The following ZNF117 variants were observed in gnomAD, a reference collection of about 807,000 sequenced individuals.
ZNF117 encodes Krueppel-related zinc finger protein.
A neutral mutation model predicts 41.2 loss-of-function variants in ZNF117; 37 were observed. The observed-to-expected ratio is 0.90, with a 90% CI of 0.69 to 1.18. The LOEUF (loss-of-function observed/expected upper bound fraction) is 1.18. ZNF117 is among the 50% of genes most tolerant of loss of function. The probability of loss-of-function intolerance (pLI) is 0.00; values close to 1 mark genes in which losing one functional copy is unlikely to be tolerated. For synonymous variants in ZNF117, 186 were observed against 186.6 expected, an observed-to-expected ratio of 1.00 and a Z score of 0.02; for missense variants, 546 against 557.5, an observed-to-expected ratio of 0.98 and a Z score of 0.21.
At chr7:64,978,376 G>A (rs1248013873) in exon 3 of ZNF117, 3 of 1,610,084 alleles carry the variant, frequency 1.9e-6, no homozygotes. Flanking sequence ...GAGGATAGGT[G>A]GAAAACTTTG....
chr7:64,981,271 C>T (rs1786026801), intron 2 of ZNF117, 116 bp downstream of exon 3: 2 of 1,369,756 alleles, frequency 1.5e-6, no homozygotes, highest in Non-Finnish European at 2.0e-6. Context: ...AAAACTCGGG[C>T]TTTCCAGAAA....
At chr7:64,977,427 T>G (rs577908751) in exon 3 of ZNF117, 11 of 442,802 alleles carry the variant, frequency 2.5e-5, no homozygotes, top group African/African-American at 2.1e-4. Context: ...AATTTTCTTA[T>G]GTGTAGTAAG....
chr7:64,986,930 A>G (rs117595492), upstream of ZNF117, among the ~76,000 whole-genome samples: 29 of 152,328 alleles, frequency 1.9e-4, no homozygotes, highest in East Asian at 5.6e-3. Context: ...CCTAAACTCA[A>G]TACTTGACCA....
chr7:64,990,998 T>C (rs536555483), exon 1 of ZNF117: 4 of 413,994 alleles, frequency 9.7e-6, no homozygotes, highest in African/African-American at 8.1e-5. Flanking sequence ...AGTAGCTCTT[T>C]TCTTGGCAGG....
chr7:64,974,621 T>C (rs1486286349), exon 3 of ZNF117: 2 of 151,944 alleles, frequency 1.3e-5, no homozygotes, highest in African/African-American at 4.8e-5. Flanking sequence ...GTTAACTCTA[T>C]GTAAACCAAT....
chr7:64,978,395 T>C, exon 3 of ZNF117: 1 of 1,613,688 alleles, frequency 6.2e-7, no homozygotes, highest in Non-Finnish European at 8.5e-7. Context: ...TGCCAGATTC[T>C]CTACATTTGT....
chr7:64,977,862 G>A, exon 3 of ZNF117: 2 of 1,143,314 alleles, frequency 1.7e-6, no homozygotes, highest in Non-Finnish European at 2.6e-6. Context: ...AATAAGGTTT[G>A]ATGATCAATT....
exon 3 of ZNF117, chr7:64,974,575 A>C (rs2129117559): frequency 6.6e-6 from 1 of 152,028 alleles, no homozygotes; most frequent in Middle Eastern, 3.4e-3. Context: ...ACTTTCTTGC[A>C]CTTAACATTT....
exon 3 of ZNF117, chr7:64,977,447 T>C: frequency 2.2e-6 from 1 of 459,170 alleles, no homozygotes; most frequent in Non-Finnish European, 4.3e-6. Flanking sequence ...GTTTTGAGCA[T>C]CGACTGAAAG....
chr7:64,975,100 A>G (rs1009355061), exon 3 of ZNF117: 1 of 151,916 alleles, frequency 6.6e-6, no homozygotes, highest in Non-Finnish European at 1.5e-5. Flanking sequence ...ATGTTAGTCC[A>G]CTCTGTTATT....
At chr7:64,973,484 CAG>C (rs1465541983), downstream of ZNF117, 1 of 151,826 alleles carries the variant, frequency 6.6e-6, no homozygotes, top group Non-Finnish European at 1.5e-5. Context: ...CTTTTACAAA[CAG>C]AAAAAAATAA....
chr7:64,979,239 C>A, exon 3 of ZNF117: 1 of 1,608,268 alleles, frequency 6.2e-7, no homozygotes, highest in South Asian at 1.1e-5. Flanking sequence ...ACATTCTTTA[C>A]ATTTAAAATG....
chr7:64,977,800 C>T (rs1785923698), exon 3 of ZNF117: 2 of 1,005,680 alleles, frequency 2.0e-6, no homozygotes, highest in East Asian at 3.1e-5. Context: ...AAAGCTTTTC[C>T]ACATTCTTCA....
chr7:64,973,735 C>T (rs1347420506), downstream of ZNF117: 1 of 151,752 alleles, frequency 6.6e-6, no homozygotes, highest in Admixed American at 6.6e-5. Flanking sequence ...GTGATGAATA[C>T]ACAGAAGTCA....
At chr7:64,978,500 T>G (rs1445271052) in exon 3 of ZNF117, 1 of 1,613,364 alleles carries the variant, frequency 6.2e-7, no homozygotes, top group Admixed American at 1.7e-5. Context: ...AGGGTTTCTC[T>G]CCAGTATGAA....
exon 3 of ZNF117, chr7:64,977,877 G>A (rs1209390926): frequency 8.5e-7 from 1 of 1,178,984 alleles, no homozygotes; most frequent in African/African-American, 1.5e-5. Flanking sequence ...TCAATTAAAA[G>A]CTCTGCCACA....
upstream of ZNF117, among the ~76,000 whole-genome samples, chr7:64,984,294 A>T (rs1441407174): frequency 6.6e-6 from 1 of 152,070 alleles, no homozygotes; most frequent in East Asian, 1.9e-4. Flanking sequence ...ATCACGCCCA[A>T]CTAATTTTTG....
At chr7:64,978,800 A>C (rs1785957892) in exon 3 of ZNF117, 5 of 1,613,304 alleles carry the variant, frequency 3.1e-6, no homozygotes, top group Non-Finnish European at 4.2e-6. Context: ...ATCGGTTAAA[A>C]GCTTTGCCGC....
At chr7:64,974,132 G>C (rs1232890274), downstream of ZNF117, 1 of 151,796 alleles carries the variant, frequency 6.6e-6, no homozygotes, top group Non-Finnish European at 1.5e-5. Context: ...GCTTATATAG[G>C]ATTCTCCAAT....
Sources: gnomAD v4.1 joint callset for allele counts (sites outside exome capture counted in the v4.1 genomes callset) on GRCh38, gnomAD v4.1.1 for gene constraint, MANE v1.5 for transcripts, NCBI Gene and HGNC (gene_info 2026-07-23, HGNC 2026-07-21) for gene names.